DLGAP1: variants seen among roughly 807,000 people sequenced by gnomAD.
DLGAP1 encodes disks large-associated protein 1.
A neutral mutation model predicts 90.8 loss-of-function variants in DLGAP1; 11 were observed. The ratio of observed to expected loss-of-function variants is 0.12; its 90% CI spans 0.08 to 0.20. DLGAP1 has a LOEUF of 0.20. Among genes scored for constraint, DLGAP1 ranks in the 10% least tolerant of loss-of-function variants. DLGAP1 has a pLI of 1.00. For synonymous variants in DLGAP1, 558 were observed against 540.7 expected (o/e 1.03, Z -0.44); for missense variants, 1,050 against 1,333.8 (o/e 0.79, Z 3.31).
chr18:4,409,914 G>A lies in DLGAP1; in HGVS notation c.-267+45092C>T, dbSNP rs184396084. 2.3e-4 allele frequency among the ~76,000 whole-genome samples: 35 copies of A among 152,150 alleles called. No homozygotes were observed. The East Asian group carries it at 3.9e-3, about 17-fold the overall frequency. On this transcript the variant is annotated intron_variant, in intron 1 of 12. Coordinates refer to ENST00000315677, the MANE Select transcript of DLGAP1 (RefSeq NM_004746.4). Reference sequence around the variant, plus strand: ...AAATTGTGGAACCAAACCAATGACCGTCAGTCAACGAGTGGATAAAAAAAT... The same window carrying A: ...AAATTGTGGAACCAAACCAATGACCATCAGTCAACGAGTGGATAAAAAAAT...
At chr18:4,204,509 T>G (rs1166943126) in intron 1 of DLGAP1, among the ~76,000 whole-genome samples, 3 of 90,182 alleles carry the variant, frequency 3.3e-5, no homozygotes, top group Admixed American at 1.0e-4. Flanking sequence ...ACTGTTGTGG[T>G]TTTTTTTTTG....
chr18:4,213,993 A>G (rs2077899564), intron 1 of DLGAP1, among the ~76,000 whole-genome samples: 1 of 152,102 alleles, frequency 6.6e-6, no homozygotes, highest in African/African-American at 2.4e-5. Flanking sequence ...GGCCCGAGAA[A>G]TTTCAGTGGA....
intron 1 of DLGAP1, among the ~76,000 whole-genome samples, chr18:4,297,173 T>C (rs1002222182): frequency 6.6e-6 from 1 of 152,158 alleles, no homozygotes. Context: ...GCCAATTTTA[T>C]AAATGAGGCA....
intron 2 of DLGAP1, among the ~76,000 whole-genome samples, chr18:4,038,015 C>T (rs1349949166): frequency 6.6e-6 from 1 of 152,170 alleles, no homozygotes; most frequent in Non-Finnish European, 1.5e-5. Context: ...ACATGACTGC[C>T]ATATCCATAA....
At chr18:4,362,998 G>A (rs539891403) in intron 1 of DLGAP1, among the ~76,000 whole-genome samples, 4 of 152,096 alleles carry the variant, frequency 2.6e-5, no homozygotes, top group South Asian at 2.1e-4. Context: ...AAGCAATGTC[G>A]ATGGCAAACA....
At chr18:3,829,351 T>A (rs1213348390) in intron 4 of DLGAP1, among the ~76,000 whole-genome samples, 1 of 150,838 alleles carries the variant, frequency 6.6e-6, no homozygotes, top group Admixed American at 6.7e-5. Flanking sequence ...ACGGTTAAGT[T>A]CCCACATGGT....
At chr18:3,666,482 C>T (rs553757410) in intron 7 of DLGAP1, among the ~76,000 whole-genome samples, 1 of 152,262 alleles carries the variant, frequency 6.6e-6, no homozygotes, top group South Asian at 2.1e-4. Context: ...GTCATTACGC[C>T]GCACAGATAA....
chr18:4,162,920 A>T lies in DLGAP1; in HGVS notation c.-266-11633T>A, dbSNP rs78038940. Among the ~76,000 whole-genome samples the T allele has an allele frequency of 4.0e-3, 396 of 98,996 alleles. 2 individuals are homozygous for T. Among genetic ancestry groups the T allele is most frequent in the Middle Eastern group, 0.023 (5 of 222 alleles). The allele number at this position is 98,996 out of a possible 152,430, so 64.9% of individuals were successfully genotyped here. On this transcript the variant is annotated intron_variant, in intron 1 of 12. Coordinates refer to ENST00000315677, the MANE Select transcript of DLGAP1 (RefSeq NM_004746.4). ...TCTGAAATAATCAGAGTTTTTTTTT[A>T]AAAAAAAACATAATATCATTCTGTT...
intron 2 of DLGAP1, among the ~76,000 whole-genome samples, chr18:4,053,940 GTT>G (rs1291373799): frequency 1.3e-5 from 2 of 152,138 alleles, no homozygotes; most frequent in Admixed American, 6.6e-5. Context: ...TTATTTTATA[GTT>G]TCTTGAATAC....
chr18:3,831,179 T>A (rs1020406867), intron 4 of DLGAP1, among the ~76,000 whole-genome samples: 8 of 152,098 alleles, frequency 5.3e-5, no homozygotes, highest in African/African-American at 1.9e-4. Flanking sequence ...TGTGGAGATA[T>A]TTGGGGAAGC....
intron 2 of DLGAP1, among the ~76,000 whole-genome samples, chr18:4,097,856 T>C (rs116183759): frequency 0.011 from 1,618 of 152,340 alleles, 28 homozygotes; most frequent in South Asian, 0.042. Flanking sequence ...AGGAGGAAGT[T>C]GATACTAATC....
chr18:3,542,788 G>C (rs1330514476), intron 9 of DLGAP1, among the ~76,000 whole-genome samples: 2 of 152,150 alleles, frequency 1.3e-5, no homozygotes, highest in Non-Finnish European at 2.9e-5. Context: ...AATTACATCA[G>C]AAATATCTCA....
In DLGAP1 at chr18:4,378,177, C is replaced by T. The variant is rs377523549; in HGVS notation, c.-267+76829G>A. 2.0e-5 allele frequency among the ~76,000 whole-genome samples: 3 copies of T among 150,308 alleles called. No homozygotes were observed. Among genetic ancestry groups the T allele is most frequent in the Non-Finnish European group, 1.5e-5 (1 of 67,632 alleles). Reference sequence around the variant, plus strand: ...AAAAAGTCTGCAAAGATACTACAAACTATGGTTATCTATACGGAAGACTAC... The same window carrying T: ...AAAAAGTCTGCAAAGATACTACAAATTATGGTTATCTATACGGAAGACTAC... On this transcript the variant is annotated intron_variant, in intron 1 of 12. Coordinates refer to ENST00000315677, the MANE Select transcript of DLGAP1 (RefSeq NM_004746.4). The surrounding 1 kb of genome is among the most constrained non-coding windows in gnomAD (Gnocchi z 4.5).
intron 2 of DLGAP1, among the ~76,000 whole-genome samples, chr18:4,074,673 G>A (rs79319046): frequency 0.079 from 11,958 of 152,100 alleles, 590 homozygotes; most frequent in East Asian, 0.17. Context: ...TATTTATGGT[G>A]TCAAATCATA....
Position 4,455,092 on chromosome 18 carries a change from C to T in DLGAP1, c.-353G>A, listed in dbSNP as rs2083941739. The T allele has an allele frequency of 6.6e-6, 1 of 151,984 alleles. No homozygotes were observed. The highest frequency in any genetic ancestry group is 2.1e-4 in the South Asian group (1 of 4,824). The allele number at this position is 151,984 out of a possible 1,614,324, so 9.4% of individuals were successfully genotyped here. ...CGGAGGAAGGAGAGAGATGTCCCCG[C>T]GACCAGGACCGGCTCTCAGCGAGGT... On this transcript the variant is annotated 5_prime_UTR_variant, in exon 1 of 13. Coordinates refer to ENST00000315677, the MANE Select transcript of DLGAP1 (RefSeq NM_004746.4).
At chr18:4,053,406 G>A (rs2075164890) in intron 2 of DLGAP1, among the ~76,000 whole-genome samples, 1 of 152,102 alleles carries the variant, frequency 6.6e-6, no homozygotes, top group Non-Finnish European at 1.5e-5. Context: ...CAGATTGGAA[G>A]GTAACTGCCC....
intron 7 of DLGAP1, among the ~76,000 whole-genome samples, chr18:3,719,650 G>T (rs2061904528): frequency 6.6e-6 from 1 of 151,594 alleles, no homozygotes; most frequent in African/African-American, 2.4e-5. Flanking sequence ...AGATGTAACT[G>T]TTGGGGAAAC....
intron 3 of DLGAP1, among the ~76,000 whole-genome samples, chr18:3,963,681 A>ATTC (rs1429044150): frequency 7.2e-6 from 1 of 139,048 alleles, no homozygotes; most frequent in Non-Finnish European, 1.5e-5. Context: ...TTATGGATTG[A>ATTC]TTCTTTGTTT....
chr18:4,194,687 G>C (rs1006001088), intron 1 of DLGAP1, among the ~76,000 whole-genome samples: 3 of 151,720 alleles, frequency 2.0e-5, no homozygotes, highest in African/African-American at 7.3e-5. Flanking sequence ...TTATAATTCT[G>C]GCTTATTTAA....
Sources: allele counts gnomAD v4.1 joint callset (sites outside exome capture counted in the v4.1 genomes callset), GRCh38; gene constraint gnomAD v4.1.1; non-coding constraint Gnocchi (gnomAD v3.1); transcripts MANE v1.5; gene names NCBI Gene and HGNC (gene_info 2026-07-23, HGNC 2026-07-21).